Variants in PPFIA2 observed in about 807,000 individuals in gnomAD.
PPFIA2 encodes liprin-alpha-2.
PPFIA2 carries 46 observed loss-of-function variants against 175.5 expected under a neutral mutation model. That is an observed-to-expected ratio of 0.26 (90% confidence interval 0.21 to 0.34). The LOEUF is 0.34. PPFIA2 is among the 10% of genes least tolerant of loss of function. The pLI is 1.00. For missense variants in PPFIA2, 1,179 were observed against 1,506.1 expected (o/e 0.78, Z 3.60); for synonymous variants, 568 against 511.4 (o/e 1.11, Z -1.49).
At chr12:81,434,402 G>C (rs922439750) in intron 7 of PPFIA2, among the ~76,000 whole-genome samples, 2 of 151,994 alleles carry the variant, frequency 1.3e-5, no homozygotes, top group Non-Finnish European at 2.9e-5. Flanking sequence ...CACAGCAAAA[G>C]AGATAAGCAA....
chr12:81,736,176 T>C (rs893486161), intron 3 of PPFIA2, among the ~76,000 whole-genome samples: 3 of 152,010 alleles, frequency 2.0e-5, no homozygotes, highest in Admixed American at 1.3e-4. Context: ...ATCTTAATAA[T>C]ATTGAATATT....
At chr12:81,593,837 C>T (rs2058955354) in intron 4 of PPFIA2, among the ~76,000 whole-genome samples, 1 of 152,062 alleles carries the variant, frequency 6.6e-6, no homozygotes, top group African/African-American at 2.4e-5. Context: ...TTTTTTATGC[C>T]AAGCTGGGAA....
chr12:81,416,008 G>C (rs1364103904), intron 7 of PPFIA2, among the ~76,000 whole-genome samples: 3 of 151,474 alleles, frequency 2.0e-5, no homozygotes, highest in Admixed American at 6.6e-5. Context: ...TAAAATACTA[G>C]CATCTTCATT....
chr12:81,672,471 C>A (rs973479978), intron 4 of PPFIA2, among the ~76,000 whole-genome samples: 4 of 151,840 alleles, frequency 2.6e-5, no homozygotes, highest in African/African-American at 4.8e-5. Context: ...AAGTACAATT[C>A]TGTTTCCTCA....
chr12:81,272,173 T>C (rs2039306571), intron 28 of PPFIA2, among the ~76,000 whole-genome samples: 1 of 152,182 alleles, frequency 6.6e-6, no homozygotes, highest in Non-Finnish European at 1.5e-5. Flanking sequence ...TTTCAGTAGC[T>C]CTATTGTAAT....
At chr12:81,693,408 G>A (rs1307339860) in intron 3 of PPFIA2, among the ~76,000 whole-genome samples, 1 of 151,936 alleles carries the variant, frequency 6.6e-6, no homozygotes, top group Middle Eastern at 3.2e-3. Context: ...TCTTTTGGTT[G>A]CTCCTGCTTT....
At chr12:81,370,694 C>G (rs1218461030) in intron 11 of PPFIA2, among the ~76,000 whole-genome samples, 1 of 151,812 alleles carries the variant, frequency 6.6e-6, no homozygotes, top group Non-Finnish European at 1.5e-5. Flanking sequence ...TTGGAGGTGA[C>G]CGTCAGGTTA....
At chr12:81,551,712 G>A (rs116821162) in intron 4 of PPFIA2, among the ~76,000 whole-genome samples, 1,565 of 151,960 alleles carry the variant, frequency 0.01, 28 homozygotes, top group African/African-American at 0.033. Flanking sequence ...ATTTACTTCT[G>A]AGTGTGTGAA....
intron 22 of PPFIA2, among the ~76,000 whole-genome samples, chr12:81,301,690 T>C (rs1428073406): frequency 6.6e-6 from 1 of 152,174 alleles, no homozygotes; most frequent in Non-Finnish European, 1.5e-5. Context: ...AACACTGGCC[T>C]CCTTGCTGTT....
intron 22 of PPFIA2, among the ~76,000 whole-genome samples, chr12:81,309,413 G>T (rs1245129063): frequency 6.6e-6 from 1 of 151,988 alleles, no homozygotes; most frequent in East Asian, 1.9e-4. Context: ...CCAATCAGTT[G>T]CTTCAGAAGA....
intron 29 of PPFIA2, chr12:81,267,381 G>C (rs1027770018): frequency 2.9e-6 from 1 of 349,742 alleles, no homozygotes; most frequent in African/African-American, 2.2e-5. Flanking sequence ...TATGTAGGTA[G>C]TTCTCAAACC....
At chr12:81,741,469 G>T (rs2082314661) in intron 3 of PPFIA2, among the ~76,000 whole-genome samples, 1 of 152,060 alleles carries the variant, frequency 6.6e-6, no homozygotes, top group South Asian at 2.1e-4. Context: ...CTAAATGCTA[G>T]ATATTGGAGA....
intron 8 of PPFIA2, among the ~76,000 whole-genome samples, chr12:81,394,470 A>C (rs576234747): frequency 6.6e-6 from 1 of 152,224 alleles, no homozygotes; most frequent in East Asian, 1.9e-4. Flanking sequence ...GCATACAAAA[A>C]AAAAATCAAG....
intron 4 of PPFIA2, among the ~76,000 whole-genome samples, chr12:81,620,026 G>A (rs1484580128): frequency 6.6e-6 from 1 of 151,854 alleles, no homozygotes; most frequent in Admixed American, 6.6e-5. Context: ...CGGGCGTGAT[G>A]GCGGGTGCCT....
intron 4 of PPFIA2, among the ~76,000 whole-genome samples, chr12:81,479,128 T>C (rs953935791): frequency 1.3e-5 from 2 of 152,184 alleles, no homozygotes; most frequent in Admixed American, 6.5e-5. Flanking sequence ...ATATTTAGGA[T>C]AGTTAGCTCT....
In PPFIA2 at chr12:81,353,101, A is replaced by G. The variant is rs957755567; in HGVS notation, c.1994+18T>C. On this transcript the variant is annotated intron_variant, in intron 17 of 32. Coordinates refer to ENST00000549396, the MANE Select transcript of PPFIA2 (RefSeq NM_003625.5). Reference sequence around the variant, plus strand: ...GGTCTTCTAATTTCTTGAAATCATCAGTACTAATTGAAGTTACCTGATTTC... The same window carrying G: ...GGTCTTCTAATTTCTTGAAATCATCGGTACTAATTGAAGTTACCTGATTTC... 3 of 1,602,028 alleles carry G rather than the reference A, an allele frequency of 1.9e-6. No individual in the cohort carries two copies. Among genetic ancestry groups the G allele is most frequent in the Non-Finnish European group, 2.6e-6 (3 of 1,169,174 alleles).
At chr12:81,293,846 TTTATC>T (rs2045695118) in intron 24 of PPFIA2, among the ~76,000 whole-genome samples, 1 of 152,166 alleles carries the variant, frequency 6.6e-6, no homozygotes, top group Non-Finnish European at 1.5e-5. Flanking sequence ...CACTCATGTC[TTTATC>T]ACAACATTAA....
intron 4 of PPFIA2, among the ~76,000 whole-genome samples, chr12:81,529,141 G>A (rs2064134092): frequency 6.6e-6 from 1 of 151,908 alleles, no homozygotes; most frequent in Admixed American, 6.6e-5. Flanking sequence ...GAGTCAATGT[G>A]TCAGAGAAAA....
intron 4 of PPFIA2, among the ~76,000 whole-genome samples, chr12:81,547,708 T>C (rs1223571107): frequency 6.6e-6 from 1 of 152,138 alleles, no homozygotes; most frequent in Non-Finnish European, 1.5e-5. Context: ...TCCACCATAA[T>C]CTGTTGACAC....
Sources: gnomAD v4.1 joint callset for allele counts (sites outside exome capture counted in the v4.1 genomes callset) on GRCh38, gnomAD v4.1.1 for gene constraint, MANE v1.5 for transcripts, NCBI Gene and HGNC (gene_info 2026-07-23, HGNC 2026-07-21) for gene names.